PARVB: variants seen among roughly 807,000 people sequenced by gnomAD.
PARVB encodes the protein parvin beta.
Under a neutral mutation model 47.0 loss-of-function variants are expected in PARVB, and 46 were observed. The observed-to-expected ratio is 0.98, with a 90% CI of 0.77 to 1.25. The LOEUF (loss-of-function observed/expected upper bound fraction) is 1.25. PARVB is among the 50% of genes most tolerant of loss of function. The pLI is 0.00. For synonymous variants in PARVB, 196 were observed against 196.3 expected, an observed-to-expected ratio of 1.00 and a Z score of 0.01; for missense variants, 473 against 471.6, an observed-to-expected ratio of 1.00 and a Z score of -0.03.
At chr22:44,087,465 G>A (rs2052050363) in intron 1 of PARVB, among the ~76,000 whole-genome samples, 1 of 152,226 alleles carries the variant, frequency 6.6e-6, no homozygotes, top group Admixed American at 6.5e-5. Flanking sequence ...GCCCGTGATT[G>A]CAGGGGCGCC....
At chr22:44,032,323 C>T (rs182890429) in intron 1 of PARVB, among the ~76,000 whole-genome samples, 177 of 152,316 alleles carry the variant, frequency 1.2e-3, no homozygotes, top group African/African-American at 3.9e-3. Flanking sequence ...CCTGGGAAAC[C>T]AGCGGAGTCT....
chr22:44,165,965 G>A (rs1411881082), intron 12 of PARVB, among the ~76,000 whole-genome samples: 1 of 152,210 alleles, frequency 6.6e-6, no homozygotes. Context: ...TGTGGGCTTG[G>A]CTGGGGCTTC....
chr22:44,132,215 CAG>C (rs1387737426), intron 5 of PARVB, among the ~76,000 whole-genome samples: 1 of 152,136 alleles, frequency 6.6e-6, no homozygotes, highest in Admixed American at 6.5e-5. Flanking sequence ...GCTGGGCTCT[CAG>C]TGGTAGGCAG....
At chr22:44,112,693 T>C in intron 3 of PARVB, 1 of 48,502 alleles carries the variant, frequency 2.1e-5, no homozygotes, top group Non-Finnish European at 3.8e-5. Flanking sequence ...CACGGATACA[T>C]TGTTACTAAC....
chr22:44,123,724 C>T (rs2053124687), intron 4 of PARVB, among the ~76,000 whole-genome samples: 1 of 152,150 alleles, frequency 6.6e-6, no homozygotes, highest in East Asian at 1.9e-4. Flanking sequence ...CAATACGAGG[C>T]TTTGCCATGT....
At chr22:44,146,331 T>TCACATGCA (rs5845637) in intron 8 of PARVB, 2 of 145,622 alleles carry the variant, frequency 1.4e-5, no homozygotes, top group South Asian at 2.2e-4. Flanking sequence ...ACACATGTGC[T>TCACATGCA]CACGTGCACA....
intron 2 of PARVB, among the ~76,000 whole-genome samples, chr22:44,097,421 T>C (rs1803336995): frequency 6.6e-6 from 1 of 152,194 alleles, no homozygotes; most frequent in African/African-American, 2.4e-5. Flanking sequence ...AGGGCCATGA[T>C]GTGCAGTGGC....
Position 44,168,846 on chromosome 22 carries a change from T to C in PARVB, c.*168T>C. Reference sequence around the variant, plus strand: ...ACGCCTGCCCCACCCCCTGCCTCTTTTGGTTGTTGTTCTTAATCTCCTCTC... The same window carrying C: ...ACGCCTGCCCCACCCCCTGCCTCTTCTGGTTGTTGTTCTTAATCTCCTCTC... On this transcript the variant is annotated 3_prime_UTR_variant, in exon 13 of 13. Coordinates refer to ENST00000338758, the MANE Select transcript of PARVB (RefSeq NM_013327.5). 1.7e-6 allele frequency: 1 copy of C among 587,514 alleles called. No homozygotes were observed. The highest frequency in any genetic ancestry group is 3.1e-6 in the Non-Finnish European group (1 of 327,582). The allele number at this position is 587,514 out of a possible 1,614,324, so 36.4% of individuals were successfully genotyped here.
At chr22:44,077,850 A>G (rs1208660464) in intron 1 of PARVB, among the ~76,000 whole-genome samples, 1 of 152,058 alleles carries the variant, frequency 6.6e-6, no homozygotes, top group Non-Finnish European at 1.5e-5. Context: ...GGCACCTACC[A>G]TGACACTCGG....
intron 1 of PARVB, among the ~76,000 whole-genome samples, chr22:44,037,824 A>G (rs1426463066): frequency 6.6e-6 from 1 of 152,130 alleles, no homozygotes; most frequent in Non-Finnish European, 1.5e-5. Context: ...GACACATTAG[A>G]TCCTTTTTGT....
chr22:44,028,777 C>T (rs1026305936), intron 1 of PARVB, among the ~76,000 whole-genome samples: 2 of 152,174 alleles, frequency 1.3e-5, no homozygotes, highest in African/African-American at 2.4e-5. Context: ...CCTGGCTGCT[C>T]TGCATCCTCA....
intron 3 of PARVB, chr22:44,108,887 C>T (rs1048270017): frequency 2.6e-5 from 4 of 152,116 alleles, no homozygotes; most frequent in Non-Finnish European, 5.9e-5. Context: ...ATGCGATGGC[C>T]TGGCCTGGGC....
At chr22:44,157,907 G>A in intron 10 of PARVB, 75 bp from the exon 11 acceptor site, 1 of 996,720 alleles carries the variant, frequency 1.0e-6, no homozygotes, top group South Asian at 1.3e-5. Flanking sequence ...GAAAAAATAT[G>A]CCCCCCTTAA....
chr22:44,137,015 A>G (rs140612669), intron 7 of PARVB, among the ~76,000 whole-genome samples: 1 of 152,356 alleles, frequency 6.6e-6, no homozygotes, highest in East Asian at 1.9e-4. Flanking sequence ...CAAATCAAAC[A>G]GTATCTGTGG....
At chr22:44,052,892 G>A (rs749584325) in intron 1 of PARVB, among the ~76,000 whole-genome samples, 37 of 152,152 alleles carry the variant, frequency 2.4e-4, no homozygotes, top group Non-Finnish European at 5.9e-5. Flanking sequence ...ACAGTGAACT[G>A]TGATTGTGCC....
chr22:44,038,154 A>C (rs2050953377), intron 1 of PARVB, among the ~76,000 whole-genome samples: 1 of 152,184 alleles, frequency 6.6e-6, no homozygotes, highest in South Asian at 2.1e-4. Context: ...TGGCACCATC[A>C]TGTCCCTGCA....
intron 4 of PARVB, among the ~76,000 whole-genome samples, chr22:44,123,820 T>A (rs1203850447): frequency 6.6e-6 from 1 of 152,218 alleles, no homozygotes; most frequent in African/African-American, 2.4e-5. Context: ...CATGAGCCAC[T>A]GCGCCTGGCC....
At chr22:44,056,111 C>T (rs980285226) in intron 1 of PARVB, among the ~76,000 whole-genome samples, 3 of 152,206 alleles carry the variant, frequency 2.0e-5, no homozygotes, top group African/African-American at 4.8e-5. Flanking sequence ...TAGTTTTGCC[C>T]GACTTTGACC....
chr22:44,129,905 C>G (rs2053272383), intron 4 of PARVB, among the ~76,000 whole-genome samples: 2 of 152,212 alleles, frequency 1.3e-5, no homozygotes, highest in African/African-American at 2.4e-5. Flanking sequence ...GGTGTTCAGT[C>G]CCTATCTGTG....
Sources: allele counts gnomAD v4.1 joint callset (sites outside exome capture counted in the v4.1 genomes callset), GRCh38; gene constraint gnomAD v4.1.1; transcripts MANE v1.5; gene names NCBI Gene and HGNC (gene_info 2026-07-23, HGNC 2026-07-21).